POFUT3: variants seen among roughly 807,000 people sequenced by gnomAD.
POFUT3 encodes protein O-fucosyltransferase 3.
At chr8:33,389,185 G>T in the POFUT3 span, 2 of 1,614,106 alleles carry the variant, frequency 1.2e-6, no homozygotes, top group Admixed American at 3.3e-5. Context: ...CCAGTTCCCT[G>T]GGGTGAGAAA....
At chr8:33,377,029 G>A in the POFUT3 span, among the ~76,000 whole-genome samples, 4 of 152,042 alleles carry the variant, frequency 2.6e-5, no homozygotes, top group African/African-American at 9.7e-5. Flanking sequence ...TCAAGAGTTC[G>A]AGACCAGCCT....
the POFUT3 span, among the ~76,000 whole-genome samples, chr8:33,308,365 T>TTCCATTA: frequency 6.6e-6 from 1 of 152,190 alleles, no homozygotes; most frequent in Admixed American, 6.5e-5. Flanking sequence ...TGAGTTCCAG[T>TTCCATTA]CCTATTCTGT....
At chr8:33,407,296 G>A in the POFUT3 span, among the ~76,000 whole-genome samples, 1 of 152,158 alleles carries the variant, frequency 6.6e-6, no homozygotes, top group Non-Finnish European at 1.5e-5. Context: ...GGCCCTGATA[G>A]AACAATGCCT....
chr8:33,386,576 T>C, the POFUT3 span, among the ~76,000 whole-genome samples: 6,634 of 152,238 alleles, frequency 0.044, 467 homozygotes, highest in African/African-American at 0.15. Context: ...TTTGTGAGGC[T>C]GAGGCGGGAG....
At chr8:33,453,911 C>T in the POFUT3 span, among the ~76,000 whole-genome samples, 26 of 152,006 alleles carry the variant, frequency 1.7e-4, no homozygotes, top group East Asian at 4.7e-3. Flanking sequence ...GCCAAGATCG[C>T]GCCACTGCAC....
the POFUT3 span, among the ~76,000 whole-genome samples, chr8:33,445,222 T>C: frequency 1.3e-5 from 2 of 152,044 alleles, no homozygotes; most frequent in Non-Finnish European, 2.9e-5. Context: ...GTGTGAGCCA[T>C]TGCGCCTAGC....
the POFUT3 span, among the ~76,000 whole-genome samples, chr8:33,427,586 A>T: frequency 6.6e-6 from 1 of 152,076 alleles, no homozygotes; most frequent in African/African-American, 2.4e-5. Flanking sequence ...TCTCAAAAAA[A>T]AGCAAAAAAT....
At chr8:33,353,146 G>T in the POFUT3 span, among the ~76,000 whole-genome samples, 1 of 152,140 alleles carries the variant, frequency 6.6e-6, no homozygotes, top group Non-Finnish European at 1.5e-5. Context: ...ACCATATTCT[G>T]GTTAATACAT....
the POFUT3 span, among the ~76,000 whole-genome samples, chr8:33,367,797 C>T: frequency 6.6e-6 from 1 of 152,034 alleles, no homozygotes; most frequent in East Asian, 1.9e-4. Flanking sequence ...TACATTCATT[C>T]CAAAAGTTCT....
At chr8:33,347,439 C>T in the POFUT3 span, among the ~76,000 whole-genome samples, 4 of 152,180 alleles carry the variant, frequency 2.6e-5, no homozygotes, top group Non-Finnish European at 2.9e-5. Context: ...AAACACGATG[C>T]ATTGAATTTG....
the POFUT3 span, among the ~76,000 whole-genome samples, chr8:33,446,364 C>T: frequency 6.6e-6 from 1 of 150,784 alleles, no homozygotes; most frequent in African/African-American, 2.4e-5. Flanking sequence ...GGCTGAGGCA[C>T]GAGAATCTCT....
the POFUT3 span, among the ~76,000 whole-genome samples, chr8:33,387,500 G>A: frequency 6.6e-6 from 1 of 152,002 alleles, no homozygotes; most frequent in Non-Finnish European, 1.5e-5. Flanking sequence ...AAAAGTTGTT[G>A]GCCTTCGGAA....
the POFUT3 span, among the ~76,000 whole-genome samples, chr8:33,421,437 C>T: frequency 6.6e-6 from 1 of 152,070 alleles, no homozygotes; most frequent in African/African-American, 2.4e-5. Context: ...TAGGATATGA[C>T]CTACGACCCA....
the POFUT3 span, among the ~76,000 whole-genome samples, chr8:33,444,502 A>G: frequency 6.6e-6 from 1 of 152,004 alleles, no homozygotes; most frequent in Non-Finnish European, 1.5e-5. Flanking sequence ...AGGCTGGATT[A>G]CTTTATGTCA....
At chr8:33,324,132 G>A in the POFUT3 span, among the ~76,000 whole-genome samples, 1 of 152,114 alleles carries the variant, frequency 6.6e-6, no homozygotes, top group Non-Finnish European at 1.5e-5. Context: ...CTGGGATGTA[G>A]TAAGAAGCAC....
At chr8:33,462,174 G>GGGGAGAGGAGGGGAC in the POFUT3 span, among the ~76,000 whole-genome samples, 1 of 149,876 alleles carries the variant, frequency 6.7e-6, no homozygotes, top group Admixed American at 6.7e-5. Context: ...GAAGGGACCA[G>GGGGAGAGGAGGGGAC]AGTGGTGAAT....
chr8:33,351,012 G>GT, the POFUT3 span, among the ~76,000 whole-genome samples: 1 of 152,148 alleles, frequency 6.6e-6, no homozygotes, highest in African/African-American at 2.4e-5. Context: ...GTCTCACTCT[G>GT]TTGCCCAGGC....
chr8:33,450,314 C>T, the POFUT3 span, among the ~76,000 whole-genome samples: 19 of 152,298 alleles, frequency 1.2e-4, no homozygotes, highest in South Asian at 3.3e-3. Context: ...GACTTGTTGG[C>T]TTTTCTCTCG....
chr8:33,375,550 G>A, the POFUT3 span, among the ~76,000 whole-genome samples: 1 of 151,878 alleles, frequency 6.6e-6, no homozygotes. Context: ...ACAGGTACAT[G>A]GAAAAATAAT....
Sources: allele counts gnomAD v4.1 joint callset (sites outside exome capture counted in the v4.1 genomes callset), GRCh38; gene constraint gnomAD v4.1.1; transcripts MANE v1.5; gene names NCBI Gene and HGNC (gene_info 2026-07-23, HGNC 2026-07-21).